The following LRP4 variants were observed in gnomAD, a reference collection of about 807,000 sequenced individuals.
LRP4 encodes the protein low-density lipoprotein receptor-related protein 4.
LRP4 carries 95 observed loss-of-function variants against 220.3 expected under a neutral mutation model. The observed-to-expected ratio is 0.43, with a 90% CI of 0.37 to 0.51. The LOEUF (loss-of-function observed/expected upper bound fraction) is 0.51, where lower values mean the gene tolerates loss of function less well. Among genes scored for constraint, LRP4 ranks in the 20% least tolerant of loss-of-function variants. The pLI is 0.00. For missense variants in LRP4, 1,925 were observed against 2,567.0 expected, an observed-to-expected ratio of 0.75 and a Z score of 5.40; for synonymous variants, 903 against 954.6, an observed-to-expected ratio of 0.95 and a Z score of 1.00.
rs1940591815 is a variant in LRP4, at chr11:46,862,739, T to A, written c.5252A>T (p.Lys1751Ile). Residue 1751 changes from lysine (K) to isoleucine (I), a missense_variant, in exon 37 of 38, where the codon AAA becomes ATA. This residue lies in a region of LRP4 where 1,244 missense variants were observed against 1,624.9 expected (regional missense o/e 0.77). Coordinates refer to ENST00000378623, the MANE Select transcript of LRP4 (RefSeq NM_002334.4). Reference sequence around the variant, plus strand: ...CATTCCAGGATCAGTGAACTTGGATTTTTTGTGTCTTTAGGAGGGAAGGTG... The same window carrying A: ...CATTCCAGGATCAGTGAACTTGGATATTTTGTGTCTTTAGGAGGGAAGGTG... The part of the protein sequence containing the change: ...IAALMLYRHK[K>I]SKFTDPGMGN... 3.7e-6 allele frequency: 6 copies of A among 1,613,784 alleles called. No individual in the cohort carries two copies. Among genetic ancestry groups the A allele is most frequent in the Non-Finnish European group, 5.1e-6 (6 of 1,179,944 alleles).
In LRP4 at chr11:46,905,840, G is replaced by A. The variant is rs1368249402; in HGVS notation, c.53-2911C>T. Among the ~76,000 whole-genome samples, 8 of 139,740 alleles carry A rather than the reference G, an allele frequency of 5.7e-5. No individual in the cohort carries two copies. The South Asian group carries it at 6.8e-4, about 12-fold the overall frequency. 91.7% of individuals were successfully genotyped at this position (139,740 alleles called of 152,430 possible). ...GCACTCCAACCTGGGCAACAGGAGC[G>A]AAACTCCGTCTCAAAAAAAAAAAAA... is the stretch of plus-strand genomic sequence containing the variant. On this transcript the variant is annotated intron_variant, in intron 1 of 37. Coordinates refer to ENST00000378623, the MANE Select transcript of LRP4 (RefSeq NM_002334.4).
Position 46,878,985 on chromosome 11 carries a change from A to G in LRP4, c.3058T>C (p.Ser1020Pro), listed in dbSNP as rs1941084825. 1 of 1,614,138 alleles carries G rather than the reference A, an allele frequency of 6.2e-7. No individual in the cohort carries two copies. Among genetic ancestry groups the G allele is most frequent in the Non-Finnish European group, 8.5e-7 (1 of 1,180,032 alleles). Residue 1020 changes from serine (S) to proline (P), a missense_variant, in exon 22 of 38, where the codon TCC (serine) becomes CCC (proline). By Grantham distance (74) the Ser-to-Pro change is moderately conservative (BLOSUM62 -1). Coordinates refer to ENST00000378623, the MANE Select transcript of LRP4 (RefSeq NM_002334.4). The part of the protein sequence containing the change: ...NGGCSHLCLR[S>P]PNPSGFSCTC... ...CAGCTGAATCCGCTTGGATTTGGGG[A>G]CCTAAGACACAGGTGGCTACAGCCG...
Position 46,899,990 on chromosome 11 carries a change from G to A in LRP4, c.317-14C>T. On this transcript the variant is annotated splice_polypyrimidine_tract_variant and intron_variant, in intron 3 of 37. Transcript: ENST00000378623. The surrounding 1 kb of genome is among the most constrained non-coding windows in gnomAD (Gnocchi z 5.9). ...ACTCCCGGGGGGCTGTGGGCACAGAGCAGTCAGGCTGCTGCAGGCAGTGGG... is the reference window on the plus strand; with the variant it reads ...ACTCCCGGGGGGCTGTGGGCACAGAACAGTCAGGCTGCTGCAGGCAGTGGG... The A allele has an allele frequency of 6.3e-7, 1 of 1,596,638 alleles. No individual in the cohort carries two copies. The highest frequency in any genetic ancestry group is 8.6e-7 in the Non-Finnish European group (1 of 1,164,830).
intron 15 of LRP4, 138 bp from the exon 16 acceptor site, chr11:46,889,671 C>A: frequency 1.7e-6 from 2 of 1,184,192 alleles, no homozygotes; most frequent in Admixed American, 2.0e-5. Context: ...TCTGCCCCTG[C>A]TGCTAGCACA....
intron 37 of LRP4, among the ~76,000 whole-genome samples, chr11:46,862,217 C>G (rs950133027): frequency 1.3e-5 from 2 of 152,158 alleles, no homozygotes; most frequent in Non-Finnish European, 1.5e-5. Flanking sequence ...ATGGGCGAGT[C>G]CAGGAGCTCT....
At position 46,857,627 on chromosome 11, in the gene LRP4, CA is replaced by C. The variant is rs1445504340; in HGVS notation, c.*1355del. 1.3e-5 allele frequency: 2 copies of C among 151,976 alleles called. No individual in the cohort carries two copies. The highest frequency in any genetic ancestry group is 4.8e-5 in the African/African-American group (2 of 41,278). The allele number at this position is 151,976 out of a possible 1,614,324, so 9.4% of individuals were successfully genotyped here. ...TGCCACAAGGCTTGGTCAGAAAAAG[CA>C]AATTAGGCAAAAAAACAAACAAAAA... is the stretch of plus-strand genomic sequence containing the variant. On this transcript the variant is annotated 3_prime_UTR_variant, in exon 38 of 38. Coordinates refer to ENST00000378623, the MANE Select transcript of LRP4 (RefSeq NM_002334.4).
At chr11:46,860,333 A>G (rs111867844) in intron 37 of LRP4, among the ~76,000 whole-genome samples, 2 of 151,984 alleles carry the variant, frequency 1.3e-5, no homozygotes, top group African/African-American at 4.8e-5. Context: ...GCAACTTATA[A>G]CCTTTTTTGG....
At chr11:46,907,582 T>C (rs965178062) in intron 1 of LRP4, among the ~76,000 whole-genome samples, 1 of 152,226 alleles carries the variant, frequency 6.6e-6, no homozygotes, top group African/African-American at 2.4e-5. Flanking sequence ...TTAATGTTCA[T>C]GTATTTTATG....
At chr11:46,877,101 T>C in intron 23 of LRP4, 98 bp downstream of exon 23, 1 of 1,395,484 alleles carries the variant, frequency 7.2e-7, no homozygotes, top group Non-Finnish European at 1.0e-6. Flanking sequence ...ACAAACACCC[T>C]GGCTCTTGGC....
chr11:46,871,569 G>C lies in LRP4; in HGVS notation c.4648C>G (p.Gln1550Glu), dbSNP rs1393399321. The change falls in exon 31 of 38, where the codon CAG becomes GAG. Residue 1550 changes from glutamine (Q) to glutamate (E), a missense_variant. Coordinates refer to ENST00000378623, the MANE Select transcript of LRP4 (RefSeq NM_002334.4). ...TGGGACACATGGCTGACCAAGACCT[G>C]CCGCAGTTTCCCATTGAGGTCAGCA... ...ESADLNGKLR[Q>E]VLVSHVSHPF... 9.9e-6 allele frequency: 16 copies of C among 1,613,464 alleles called. No individual in the cohort carries two copies. The highest frequency in any genetic ancestry group is 1.4e-5 in the Non-Finnish European group (16 of 1,179,740).
chr11:46,877,069 G>T, intron 23 of LRP4, 130 bp downstream of exon 23: 1 of 1,103,480 alleles, frequency 9.1e-7, no homozygotes, highest in Non-Finnish European at 1.4e-6. Flanking sequence ...AGGGACAGGG[G>T]CTATGCCAGA....
At position 46,900,355 on chromosome 11, in the gene LRP4, C is replaced by T; in HGVS notation, c.223G>A (p.Asp75Asn). 6.2e-7 allele frequency: 1 copy of T among 1,613,296 alleles called. No homozygotes were observed. Residue 75 changes from aspartate to asparagine, a missense_variant, in exon 3 of 38, where the codon GAC becomes AAC. Transcript: ENST00000378623. The stretch of plus-strand genomic sequence containing the variant: ...CACTTGCCATTGTCACAGTGAAAGT[C>T]AAGAGGGGAACAGGTAGGTAGTACT... Reference protein sequence around the residue: ...GCILPTCSPLDFHCDNGKCIR... With the variant: ...GCILPTCSPLNFHCDNGKCIR...
Position 46,873,195 on chromosome 11 carries a change from G to T in LRP4, c.4488C>A (p.Ile1496=). ...FWTDWGHIAK[I]ERANLDGSER... ...CAGAACCATCCAAGTTTGCCCGTTC[G>T]ATCTTGGCAATGTGGCCCCAGTCTG... Residue 1496 remains isoleucine (I), a synonymous_variant, in exon 30 of 38, where the codon ATC becomes ATA. Transcript: ENST00000378623. The surrounding 1 kb of genome is among the most constrained non-coding windows in gnomAD (Gnocchi z 4.2). The T allele has an allele frequency of 6.2e-7, 1 of 1,614,148 alleles. No individual in the cohort carries two copies. The highest frequency in any genetic ancestry group is 8.5e-7 in the Non-Finnish European group (1 of 1,180,036).
rs77376145 is a variant in LRP4, at chr11:46,858,722, G to T, written c.*261C>A. ...GAGGAATCACGAATAAGCAGTTTCA[G>T]GGGGCCCAGGATGGAGTACAAGATG... On this transcript the variant is annotated 3_prime_UTR_variant, in exon 38 of 38. Coordinates refer to ENST00000378623, the MANE Select transcript of LRP4 (RefSeq NM_002334.4). 0.014 allele frequency: 7,459 copies of T among 514,916 alleles called. 466 individuals carry two copies. Among genetic ancestry groups the T allele is most frequent in the African/African-American group, 0.13 (6,620 of 52,012 alleles). The allele number at this position is 514,916 out of a possible 1,614,324, so 31.9% of individuals were successfully genotyped here. A position where few individuals can be genotyped will look rare whatever the true frequency, so the allele number is the denominator to read the frequency against.
intron 7 of LRP4, among the ~76,000 whole-genome samples, chr11:46,898,024 C>T (rs1158645014): frequency 3.4e-5 from 5 of 148,142 alleles, no homozygotes; most frequent in South Asian, 2.1e-4. Context: ...ACCTCCCTCC[C>T]GGACGGGGCG....
Position 46,858,839 on chromosome 11 carries a change from C to A in LRP4, c.*144G>T. The A allele has an allele frequency of 1.3e-6, 1 of 784,730 alleles. No homozygotes were observed. The allele number at this position is 784,730 out of a possible 1,614,324, so 48.6% of individuals were successfully genotyped here. ...TTATGGACTCACGTGGTAAACAGCT[C>A]CGGTGAAGGCTTAGGAACAGTTATG... On this transcript the variant is annotated 3_prime_UTR_variant, in exon 38 of 38. Coordinates refer to ENST00000378623, the MANE Select transcript of LRP4 (RefSeq NM_002334.4).
At chr11:46,867,721 A>C (rs1158552248) in intron 34 of LRP4, among the ~76,000 whole-genome samples, 1 of 152,226 alleles carries the variant, frequency 6.6e-6, no homozygotes, top group African/African-American at 2.4e-5. Context: ...TCAGCCTCCC[A>C]AAGTGCTGGG....
intron 13 of LRP4, among the ~76,000 whole-genome samples, chr11:46,891,344 C>A (rs1941418086): frequency 6.6e-6 from 1 of 151,698 alleles, no homozygotes; most frequent in Non-Finnish European, 1.5e-5. Context: ...AAACTCCTGA[C>A]CCCAAGTGAT....
chr11:46,884,380 G>T (rs1007430249), intron 18 of LRP4, among the ~76,000 whole-genome samples: 2 of 151,876 alleles, frequency 1.3e-5, no homozygotes. Flanking sequence ...GAGGCAAGTG[G>T]ATCATGAGGT....
Sources: allele counts gnomAD v4.1 joint callset (sites outside exome capture counted in the v4.1 genomes callset), GRCh38; gene constraint gnomAD v4.1.1; regional missense constraint gnomAD v4.1.1; non-coding constraint Gnocchi (gnomAD v3.1); transcripts MANE v1.5; gene names NCBI Gene and HGNC (gene_info 2026-07-23, HGNC 2026-07-21).